DNAH3: variants seen among roughly 807,000 people sequenced by gnomAD.
DNAH3 encodes dynein axonemal heavy chain 3, also known as axonemal beta dynein heavy chain 3.
Under a neutral mutation model 432.5 loss-of-function variants are expected in DNAH3, and 332 were observed. That is an observed-to-expected ratio of 0.77 (90% CI 0.70 to 0.84). DNAH3 has a LOEUF of 0.84. Ranked by LOEUF, DNAH3 falls within the 40% of genes least tolerant of loss-of-function variation. The probability of loss-of-function intolerance (pLI) is 0.00; values close to 1 mark genes in which losing one functional copy is unlikely to be tolerated. For missense variants in DNAH3, 4,861 were observed against 5,114.0 expected, an observed-to-expected ratio of 0.95 and a Z score of 1.51; for synonymous variants, 1,956 against 1,900.2, an observed-to-expected ratio of 1.03 and a Z score of -0.76.
At chr16:21,068,110 T>C (rs985141465) in intron 23 of DNAH3, among the ~76,000 whole-genome samples, 5 of 152,200 alleles carry the variant, frequency 3.3e-5, no homozygotes, top group African/African-American at 1.2e-4. Flanking sequence ...AAAATCTTTT[T>C]AAGTGCACCC....
chr16:21,042,185 C>T (rs758152225), exon 32 of DNAH3: 4 of 1,605,834 alleles, frequency 2.5e-6, no homozygotes, highest in Non-Finnish European at 3.4e-6. Flanking sequence ...TGCTGAGCGA[C>T]CACAGACAGC....
chr16:21,136,408 TC>T lies in DNAH3; in HGVS notation c.801del (p.Thr268ArgfsTer8), dbSNP rs749850879. On this transcript the variant is annotated frameshift_variant, in exon 6 of 62. Coordinates refer to ENST00000261383, the Ensembl canonical transcript of DNAH3. LOFTEE classifies it high-confidence loss of function. ...ATCAGGGGCTCCAGGAAGGGACTCG[TC>T]AGCAGCGTGTTAGAAATCAGCTTTG... 4 of 1,613,926 alleles carry T rather than the reference TC, an allele frequency of 2.5e-6. No homozygotes were observed. The African/African-American group carries it at 5.3e-5, about 22-fold the overall frequency.
intron 5 of DNAH3, 119 bp downstream of exon 6, chr16:21,140,417 A>C: frequency 1.8e-6 from 2 of 1,087,492 alleles, no homozygotes; most frequent in Non-Finnish European, 2.7e-6. Context: ...TTGGGTCTAG[A>C]CTTTGGTGTT....
chr16:21,067,539 G>C (rs751358023), intron 23 of DNAH3, 120 bp from the exon 24 acceptor site: 18 of 1,030,720 alleles, frequency 1.7e-5, no homozygotes, highest in Non-Finnish European at 2.6e-5. Context: ...ACTGCCTCCT[G>C]ATCCCCCTCC....
At chr16:20,937,164 CT>C (rs1173781365) in intron 59 of DNAH3, among the ~76,000 whole-genome samples, 1 of 151,272 alleles carries the variant, frequency 6.6e-6, no homozygotes, top group Non-Finnish European at 1.5e-5. Flanking sequence ...TCCTTTTTTT[CT>C]TTTTTTTAGA....
At chr16:21,023,574 A>T (rs2088365871) in intron 39 of DNAH3, among the ~76,000 whole-genome samples, 1 of 152,152 alleles carries the variant, frequency 6.6e-6, no homozygotes, top group Admixed American at 6.5e-5. Flanking sequence ...AAAAGCCTTG[A>T]GGTGATGAAA....
chr16:21,079,389 C>G (rs959223844), intron 20 of DNAH3, among the ~76,000 whole-genome samples: 5 of 152,056 alleles, frequency 3.3e-5, no homozygotes, highest in African/African-American at 4.8e-5. Context: ...TTTGGGAGGC[C>G]AAGGCAGATG....
chr16:21,017,796 G>A (rs1313271740), intron 41 of DNAH3, among the ~76,000 whole-genome samples: 1 of 152,088 alleles, frequency 6.6e-6, no homozygotes, highest in African/African-American at 2.4e-5. Flanking sequence ...GTATGTGGCA[G>A]GCGGTAATAG....
exon 1 of DNAH3, chr16:21,159,426 G>A (rs2092939131): frequency 6.2e-7 from 1 of 1,613,840 alleles, no homozygotes; most frequent in African/African-American, 1.3e-5. Flanking sequence ...AGCTCGAGGC[G>A]CCCTGTAGCT....
intron 18 of DNAH3, among the ~76,000 whole-genome samples, chr16:21,096,509 A>C (rs917576113): frequency 3.3e-5 from 5 of 152,104 alleles, no homozygotes; most frequent in Non-Finnish European, 7.4e-5. Flanking sequence ...TGTAATCTAC[A>C]CATCAATTAT....
intron 24 of DNAH3, among the ~76,000 whole-genome samples, chr16:21,067,005 A>G (rs1306872846): frequency 2.0e-5 from 3 of 152,248 alleles, no homozygotes; most frequent in Admixed American, 2.0e-4. Context: ...TCCAAAATCC[A>G]GGCTCACAGT....
At chr16:21,060,526 C>CT (rs375746116) in intron 25 of DNAH3, among the ~76,000 whole-genome samples, 170 bp from the exon 26 acceptor site, 135 of 93,420 alleles carry the variant, frequency 1.4e-3, no homozygotes, top group African/African-American at 2.0e-3. Context: ...TTTTTTTTTT[C>CT]TTTTTTTTTT....
At chr16:20,998,659 A>T (rs534857359) in intron 43 of DNAH3, among the ~76,000 whole-genome samples, 1 of 150,020 alleles carries the variant, frequency 6.7e-6, no homozygotes, top group East Asian at 2.0e-4. Flanking sequence ...GTCCTGGCAC[A>T]TCAGAGGCAC....
rs748203455 is a variant in DNAH3 at position 20,963,340 on chromosome 16, G to C, written c.10544C>G (p.Ser3515Cys). ...AAAAATCAAAGGCGCACAGCAGCTG[G>C]AATCATTGTAGGATCCCTGGAGATC... Residue 3515 changes from serine to cysteine, a missense_variant, in exon 53 of 62, where the codon TCC becomes TGC. Transcript: ENST00000261383. 7 of 1,614,134 alleles carry C rather than the reference G, an allele frequency of 4.3e-6. No individual in the cohort carries two copies. The South Asian group carries it at 5.5e-5, about 13-fold the overall frequency.
At chr16:21,020,124 G>C (rs750201696) in intron 40 of DNAH3, among the ~76,000 whole-genome samples, 2 of 150,128 alleles carry the variant, frequency 1.3e-5, no homozygotes, top group Non-Finnish European at 3.0e-5. Context: ...GGGCTCAAGT[G>C]ATCTTTCCAC....
intron 56 of DNAH3, among the ~76,000 whole-genome samples, chr16:20,950,786 G>A (rs904128373): frequency 2.0e-5 from 3 of 152,060 alleles, no homozygotes; most frequent in Non-Finnish European, 2.9e-5. Context: ...TATACGGCAC[G>A]TTCCTTGAAG....
At chr16:21,105,260 A>G (rs1201915995) in intron 15 of DNAH3, among the ~76,000 whole-genome samples, 4 of 152,166 alleles carry the variant, frequency 2.6e-5, no homozygotes, top group Non-Finnish European at 2.9e-5. Context: ...ACATCCATAC[A>G]TTGTGAACAC....
In DNAH3 at chr16:21,143,331, T is replaced by C. The variant is rs537594613; in HGVS notation, c.448+1850A>G. Among the ~76,000 whole-genome samples, 5 of 152,262 alleles carry C rather than the reference T, an allele frequency of 3.3e-5. No homozygotes were observed. In the South Asian group the frequency reaches 1.0e-3, roughly 32 times the overall value. ...GGTCATGAGGGCTCCATCTTATGAA[T>C]GAGATTGTGCCTTTATAAAAAAAAC... On this transcript the variant is annotated intron_variant, in intron 3 of 61. Transcript: ENST00000261383.
At chr16:21,013,985 C>A (rs940462645) in intron 41 of DNAH3, among the ~76,000 whole-genome samples, 3 of 152,134 alleles carry the variant, frequency 2.0e-5, no homozygotes, top group Non-Finnish European at 2.9e-5. Flanking sequence ...GATGGGTTCA[C>A]TGGTGAATTC....
Sources: gnomAD v4.1 joint callset for allele counts (sites outside exome capture counted in the v4.1 genomes callset) on GRCh38, gnomAD v4.1.1 for gene constraint, MANE v1.5 for transcripts, NCBI Gene and HGNC (gene_info 2026-07-23, HGNC 2026-07-21) for gene names.